Variants in SCNN1B observed in about 807,000 individuals in gnomAD.
The protein encoded by SCNN1B is epithelial sodium channel subunit beta.
Under a neutral mutation model 65.3 loss-of-function variants are expected in SCNN1B, and 46 were observed. The observed-to-expected ratio is 0.70, with a 90% confidence interval of 0.56 to 0.90. The LOEUF is 0.90. Among genes scored for constraint, SCNN1B ranks in the 40% least tolerant of loss-of-function variants. SCNN1B has a pLI of 0.00. For missense variants in SCNN1B, 751 were observed against 830.5 expected, an observed-to-expected ratio of 0.90 and a Z score of 1.18; for synonymous variants, 349 against 330.6, an observed-to-expected ratio of 1.06 and a Z score of -0.60.
At position 23,345,430 on chromosome 16, in the gene SCNN1B, A is replaced by C. The variant is rs957018632; in HGVS notation, c.-8-3162A>C. Reference sequence around the variant, plus strand: ...TATTGTTTCCATATCTGATGAGGCCAGGAATGAATGGCTTCAGGCATGGCT... The same window carrying C: ...TATTGTTTCCATATCTGATGAGGCCCGGAATGAATGGCTTCAGGCATGGCT... On this transcript the variant is annotated intron_variant, in intron 1 of 12. Transcript: ENST00000343070. 4.6e-5 allele frequency among the ~76,000 whole-genome samples: 7 copies of C among 152,254 alleles called. 1 individual carries two copies. The highest frequency in any genetic ancestry group is 1.3e-4 in the Admixed American group (2 of 15,292).
At chr16:23,360,217 T>C (rs142296592) in intron 4 of SCNN1B, among the ~76,000 whole-genome samples, 1 of 150,110 alleles carries the variant, frequency 6.7e-6, no homozygotes, top group African/African-American at 2.5e-5. Flanking sequence ...AATAAATAAA[T>C]AAATAAATAA....
At chr16:23,295,479 A>G (rs1426863951) in intron 2 of SCNN1B, among the ~76,000 whole-genome samples, 1 of 152,094 alleles carries the variant, frequency 6.6e-6, no homozygotes, top group Non-Finnish European at 1.5e-5. Flanking sequence ...CCTCCCAAGT[A>G]GCTGGGACTA....
At chr16:23,361,006 G>A (rs1390009822) in intron 4 of SCNN1B, among the ~76,000 whole-genome samples, 1 of 152,118 alleles carries the variant, frequency 6.6e-6, no homozygotes, top group East Asian at 1.9e-4. Flanking sequence ...GTGTTAGCCA[G>A]GATGGTCTTG....
chr16:23,344,772 T>C (rs1332623442), intron 1 of SCNN1B, among the ~76,000 whole-genome samples: 1 of 152,066 alleles, frequency 6.6e-6, no homozygotes, highest in Non-Finnish European at 1.5e-5. Context: ...TGCGGGTGGA[T>C]CGCTTGATCC....
At chr16:23,322,036 A>G (rs1342390082) in intron 1 of SCNN1B, among the ~76,000 whole-genome samples, 2 of 152,068 alleles carry the variant, frequency 1.3e-5, no homozygotes, top group African/African-American at 4.8e-5. Context: ...AATAATAATA[A>G]TAGATATTAA....
intron 2 of SCNN1B, among the ~76,000 whole-genome samples, chr16:23,289,279 G>C (rs765042882): frequency 1.3e-5 from 2 of 152,204 alleles, no homozygotes; most frequent in African/African-American, 2.4e-5. Context: ...TGGAGGCTGC[G>C]TGTGGTAGCT....
chr16:23,300,993 CGTGTGTGT>C (rs60930177), upstream of SCNN1B, among the ~76,000 whole-genome samples: 5 of 148,366 alleles, frequency 3.4e-5, no homozygotes, highest in Non-Finnish European at 7.5e-5. Context: ...GTTAAAAACA[CGTGTGTGT>C]GTGTGTGTGT....
chr16:23,381,076 C>A lies in SCNN1B; in HGVS notation c.*275C>A. On this transcript the variant is annotated 3_prime_UTR_variant, in exon 13 of 13. Transcript: ENST00000343070. The stretch of plus-strand genomic sequence containing the variant: ...TGTCCTGATCCTGGTCCTGAAGACC[C>A]CTCGGAACACCCTCTCCTGGTGGCA... 2.0e-6 allele frequency: 1 copy of A among 510,376 alleles called. No individual in the cohort carries two copies. Among genetic ancestry groups the A allele is most frequent in the Non-Finnish European group, 3.6e-6 (1 of 280,584 alleles). The allele number at this position is 510,376 out of a possible 1,614,324, so 31.6% of individuals were successfully genotyped here.
chr16:23,285,773 A>C (rs1276822399), intron 2 of SCNN1B, among the ~76,000 whole-genome samples: 2 of 152,224 alleles, frequency 1.3e-5, no homozygotes, highest in African/African-American at 2.4e-5. Context: ...CAGGAGTTCA[A>C]GACCAGGCTG....
intron 1 of SCNN1B, among the ~76,000 whole-genome samples, chr16:23,305,646 CTGAGG>C (rs1279262062): frequency 4.0e-4 from 56 of 140,782 alleles, no homozygotes; most frequent in African/African-American, 1.4e-3. Context: ...ACAGGGGAAG[CTGAGG>C]TGAGAGGCTC....
intron 2 of SCNN1B, among the ~76,000 whole-genome samples, chr16:23,284,653 T>C (rs11648589): frequency 0.14 from 21,137 of 152,014 alleles, 1,616 homozygotes; most frequent in East Asian, 0.28. Context: ...CCTACAGCAG[T>C]CAGACAGAGC....
At chr16:23,280,830 C>T (rs1335705153) in intron 1 of SCNN1B, among the ~76,000 whole-genome samples, 2 of 152,186 alleles carry the variant, frequency 1.3e-5, no homozygotes, top group African/African-American at 2.4e-5. Context: ...AATGAATAAA[C>T]GGATGAATGA....
intron 1 of SCNN1B, among the ~76,000 whole-genome samples, chr16:23,343,627 GAAAGAAAGAAAGAAAGAAAGAAAA>G (rs1567304420): frequency 9.2e-6 from 1 of 108,472 alleles, no homozygotes; most frequent in African/African-American, 3.7e-5. Flanking sequence ...AAGAAAGAAA[GAAAGAAAGAAAGAAAGAAAGAAAA>G]AAAGAAAGGA....
intron 4 of SCNN1B, among the ~76,000 whole-genome samples, chr16:23,365,828 A>C (rs1293078101): frequency 1.3e-5 from 2 of 152,198 alleles, no homozygotes; most frequent in Non-Finnish European, 2.9e-5. Context: ...CCAAGCTCAG[A>C]GGTTGAGTAA....
chr16:23,295,463 T>C (rs1960982338), intron 2 of SCNN1B, among the ~76,000 whole-genome samples: 1 of 151,942 alleles, frequency 6.6e-6, no homozygotes, highest in African/African-American at 2.4e-5. Context: ...AATCCTCCCA[T>C]ATCAGCCTCC....
intron 4 of SCNN1B, among the ~76,000 whole-genome samples, chr16:23,361,015 T>C (rs1962543120): frequency 6.6e-6 from 1 of 152,044 alleles, no homozygotes; most frequent in African/African-American, 2.4e-5. Context: ...AGGATGGTCT[T>C]GATCTCCTGA....
At position 23,283,210 on chromosome 16, in the gene SCNN1B, A is replaced by G. The variant is rs184710536; in HGVS notation, n.111-527A>G. 8.6e-3 allele frequency among the ~76,000 whole-genome samples: 1,315 copies of G among 152,348 alleles called. 9 individuals carry two copies. The highest frequency in any genetic ancestry group is 0.013 in the Non-Finnish European group (903 of 68,026). On this transcript the variant is annotated intron_variant and non_coding_transcript_variant, in intron 1 of 3. Transcript: ENST00000569789. ...TGGATCACTTGAGGTCAGGAGTTGA[A>G]GACCAGCCTGGCCAACATGGTGAAA... is the stretch of plus-strand genomic sequence containing the variant.
At chr16:23,370,493 C>A (rs1253031087) in intron 5 of SCNN1B, among the ~76,000 whole-genome samples, 1 of 152,198 alleles carries the variant, frequency 6.6e-6, no homozygotes, top group Non-Finnish European at 1.5e-5. Flanking sequence ...ACCAGAGGGA[C>A]TCAACTCCAC....
chr16:23,359,591 T>C (rs1962493591), intron 4 of SCNN1B, among the ~76,000 whole-genome samples: 1 of 152,176 alleles, frequency 6.6e-6, no homozygotes, highest in Non-Finnish European at 1.5e-5. Flanking sequence ...ACAGACACTG[T>C]GGCCCCTGCT....
Sources: gnomAD v4.1 joint callset for allele counts (sites outside exome capture counted in the v4.1 genomes callset) on GRCh38, gnomAD v4.1.1 for gene constraint, MANE v1.5 for transcripts, NCBI Gene and HGNC (gene_info 2026-07-23, HGNC 2026-07-21) for gene names.